TRDMT1: variants seen among roughly 807,000 people sequenced by gnomAD.
The protein encoded by TRDMT1 is tRNA aspartic acid methyltransferase 1, also known as tRNA (cytosine(38)-C(5))-methyltransferase.
In TRDMT1, 49 loss-of-function variants were observed where a neutral mutation model predicts 51.2. That is an observed-to-expected ratio of 0.96 (90% CI 0.76 to 1.21). The LOEUF is 1.21. TRDMT1 is among the 50% of genes most tolerant of loss of function. The probability of loss-of-function intolerance (pLI) is 0.00; values close to 1 mark genes in which losing one functional copy is unlikely to be tolerated. For missense variants in TRDMT1, 534 were observed against 462.3 expected (o/e 1.16, Z -1.42); for synonymous variants, 187 against 164.6 (o/e 1.14, Z -1.04).
At position 17,143,980 on chromosome 10, in the gene TRDMT1, A is replaced by G; in HGVS notation, c.*5060T>C. 4.1e-6 allele frequency: 4 copies of G among 985,456 alleles called. No homozygotes were observed. Among genetic ancestry groups the G allele is most frequent in the Non-Finnish European group, 4.8e-6 (4 of 829,936 alleles). 61.0% of individuals were successfully genotyped at this position (985,456 alleles called of 1,614,324 possible). On this transcript the variant is annotated 3_prime_UTR_variant, in exon 11 of 11. Transcript: ENST00000377799. ...AAGTTAAAAATGTCCCAGCATGAAGATTCTAGAATAGGACTTAGGAAAACA... is the reference window on the plus strand; with the variant it reads ...AAGTTAAAAATGTCCCAGCATGAAGGTTCTAGAATAGGACTTAGGAAAACA...
intron 1 of TRDMT1, among the ~76,000 whole-genome samples, chr10:17,187,474 A>G (rs1463105274): frequency 6.6e-6 from 1 of 152,184 alleles, no homozygotes; most frequent in African/African-American, 2.4e-5. Flanking sequence ...CATGTACTAT[A>G]GCTTATTCAT....
At chr10:17,191,598 C>T (rs1253459265) in intron 1 of TRDMT1, among the ~76,000 whole-genome samples, 1 of 152,144 alleles carries the variant, frequency 6.6e-6, no homozygotes. Flanking sequence ...GATGGGATGA[C>T]CACACCTCAG....
intron 1 of TRDMT1, among the ~76,000 whole-genome samples, chr10:17,183,062 T>C (rs1436851920): frequency 1.3e-5 from 2 of 152,208 alleles, no homozygotes; most frequent in Non-Finnish European, 2.9e-5. Context: ...CTAGTTATAC[T>C]ACATCTGGAA....
chr10:17,201,661 G>C lies in TRDMT1; in HGVS notation c.-27C>G, dbSNP rs770273932. The stretch of plus-strand genomic sequence containing the variant: ...CCCGCGCCTCAGCCGCCGCAGCCCC[G>C]GAGCTAGGCCTGCCGGTCCGTCGCT... On this transcript the variant is annotated 5_prime_UTR_variant, in exon 1 of 11. Coordinates refer to ENST00000377799, the MANE Select transcript of TRDMT1 (RefSeq NM_004412.7). The C allele has an allele frequency of 6.5e-7, 1 of 1,536,066 alleles. No homozygotes were observed. The highest frequency in any genetic ancestry group is 8.8e-7 in the Non-Finnish European group (1 of 1,141,930).
rs35474710 is a variant in TRDMT1 at position 17,141,514 on chromosome 10, AT to A, written c.*7525del. The stretch of plus-strand genomic sequence containing the variant: ...TGGGATGTTTCCAGCCATTATTTAA[AT>A]GCTCTTTCAGCTCCATTTTTTTCCC... On this transcript the variant is annotated 3_prime_UTR_variant, in exon 11 of 11. Transcript: ENST00000377799. Among the ~76,000 whole-genome samples, 63,345 of 147,994 alleles carry A rather than the reference AT, an allele frequency of 0.43. 15,210 individuals are homozygous for A. The highest frequency in any genetic ancestry group is 0.59 in the South Asian group (2,737 of 4,676).
intron 5 of TRDMT1, among the ~76,000 whole-genome samples, chr10:17,160,885 T>C (rs561675435): frequency 4.5e-4 from 69 of 152,332 alleles, no homozygotes; most frequent in Middle Eastern, 3.4e-3. Flanking sequence ...AAGATATACA[T>C]AATTCATTAC....
Position 17,143,225 on chromosome 10 carries a change from A to G in TRDMT1, c.*5815T>C. 1.0e-6 allele frequency: 1 copy of G among 985,470 alleles called. No individual in the cohort carries two copies. Among genetic ancestry groups the G allele is most frequent in the South Asian group, 4.7e-5 (1 of 21,288 alleles). 61.0% of individuals were successfully genotyped at this position (985,470 alleles called of 1,614,324 possible). On this transcript the variant is annotated 3_prime_UTR_variant, in exon 11 of 11. Coordinates refer to ENST00000377799, the MANE Select transcript of TRDMT1 (RefSeq NM_004412.7). Reference sequence around the variant, plus strand: ...ATATTGATTCCAGTATGGTTCCTACATTCACTCATTCAACAACTATTTATT... The same window carrying G: ...ATATTGATTCCAGTATGGTTCCTACGTTCACTCATTCAACAACTATTTATT...
chr10:17,162,272 A>G (rs762274050), intron 3 of TRDMT1, 35 bp from the exon 4 acceptor site: 2 of 1,522,992 alleles, frequency 1.3e-6, no homozygotes, highest in Non-Finnish European at 1.8e-6. Context: ...ACAAAAAAAA[A>G]CACAGAAAGT....
In TRDMT1 at chr10:17,138,505, A is replaced by G. The variant is rs1471952620; in HGVS notation, c.*10535T>C. ...CTTTTGCTCATTTCATGGGAAGTGC[A>G]TTACCATGTAGGAAATTACCAAGTC... is the stretch of plus-strand genomic sequence containing the variant. On this transcript the variant is annotated 3_prime_UTR_variant, in exon 11 of 11. Transcript: ENST00000377799. Among the ~76,000 whole-genome samples the G allele has an allele frequency of 6.6e-6, 1 of 152,228 alleles. No homozygotes were observed. Among genetic ancestry groups the G allele is most frequent in the African/African-American group, 2.4e-5 (1 of 41,462 alleles).
chr10:17,183,429 C>G (rs75708888), intron 1 of TRDMT1, among the ~76,000 whole-genome samples: 1 of 151,868 alleles, frequency 6.6e-6, no homozygotes, highest in African/African-American at 2.4e-5. Context: ...TCTTTAGTTA[C>G]TTTTTTGAGA....
intron 1 of TRDMT1, among the ~76,000 whole-genome samples, chr10:17,186,936 G>C (rs530411464): frequency 6.6e-6 from 1 of 152,140 alleles, no homozygotes; most frequent in African/African-American, 2.4e-5. Context: ...TTATTTTAAT[G>C]TTCATGGTCA....
rs1051774045 is a variant in TRDMT1, at chr10:17,137,748, C to T, written c.*11292G>A. ...GGAGGCGAGGCTGAGGCAGGAGAAT[C>T]GCTTGAACCCAGGAGGTGGAGGTTG... On this transcript the variant is annotated 3_prime_UTR_variant, in exon 11 of 11. Coordinates refer to ENST00000377799, the MANE Select transcript of TRDMT1 (RefSeq NM_004412.7). Among the ~76,000 whole-genome samples the T allele has an allele frequency of 2.6e-5, 4 of 151,560 alleles. No homozygotes were observed. Among genetic ancestry groups the T allele is most frequent in the Non-Finnish European group, 5.9e-5 (4 of 67,926 alleles).
Position 17,148,311 on chromosome 10 carries a change from C to A in TRDMT1, c.*729G>T. The A allele has an allele frequency of 1.0e-6, 1 of 985,360 alleles. No individual in the cohort carries two copies. Among genetic ancestry groups the A allele is most frequent in the Non-Finnish European group, 1.2e-6 (1 of 829,928 alleles). 61.0% of individuals were successfully genotyped at this position (985,360 alleles called of 1,614,324 possible). A position where few individuals can be genotyped will look rare whatever the true frequency, so the allele number is the denominator to read the frequency against. ...CCTCAGCGTGCAAAGGCAAATTCAA[C>A]TCAGAAGCTGAGAAGACAAAAACAA... On this transcript the variant is annotated 3_prime_UTR_variant, in exon 11 of 11. Transcript: ENST00000377799.
intron 1 of TRDMT1, among the ~76,000 whole-genome samples, chr10:17,194,376 C>G (rs1244852922): frequency 6.6e-6 from 1 of 152,140 alleles, no homozygotes; most frequent in Non-Finnish European, 1.5e-5. Context: ...AGACAACTCA[C>G]AGAATGGGAG....
rs1169137802 is a variant in TRDMT1 at position 17,146,738 on chromosome 10, A to T, written c.*2302T>A. The T allele has an allele frequency of 1.0e-6, 1 of 985,348 alleles. No homozygotes were observed. Among genetic ancestry groups the T allele is most frequent in the Admixed American group, 6.1e-5 (1 of 16,268 alleles). The allele number at this position is 985,348 out of a possible 1,614,324, so 61.0% of individuals were successfully genotyped here. A position where few individuals can be genotyped will look rare whatever the true frequency, so the allele number is the denominator to read the frequency against. On this transcript the variant is annotated 3_prime_UTR_variant, in exon 11 of 11. Coordinates refer to ENST00000377799, the MANE Select transcript of TRDMT1 (RefSeq NM_004412.7). ...TCTGAATAAATGTACAAGTCCAAAT[A>T]TCAGGAAACAGAATTTCCAGTGCAA...
chr10:17,173,510 A>G (rs1479766929), intron 2 of TRDMT1, among the ~76,000 whole-genome samples: 1 of 152,160 alleles, frequency 6.6e-6, no homozygotes, highest in South Asian at 2.1e-4. Flanking sequence ...TAATGAAAAG[A>G]AAGCAGATCC....
intron 3 of TRDMT1, among the ~76,000 whole-genome samples, chr10:17,165,640 C>T (rs1841091047): frequency 6.6e-6 from 1 of 151,950 alleles, no homozygotes; most frequent in East Asian, 1.9e-4. Context: ...GGCTAATATC[C>T]AGAATCTACA....
chr10:17,196,218 T>G (rs1273338245), intron 1 of TRDMT1, among the ~76,000 whole-genome samples: 1 of 152,244 alleles, frequency 6.6e-6, no homozygotes, highest in Non-Finnish European at 1.5e-5. Context: ...TGAGTAATTC[T>G]TACTAAACAC....
intron 1 of TRDMT1, among the ~76,000 whole-genome samples, chr10:17,197,198 A>C (rs1845570401): frequency 6.6e-6 from 1 of 152,190 alleles, no homozygotes; most frequent in Non-Finnish European, 1.5e-5. Flanking sequence ...ACAAAAAAAG[A>C]ATCTGGGCTA....
Sources: gnomAD v4.1 joint callset for allele counts (sites outside exome capture counted in the v4.1 genomes callset) on GRCh38, gnomAD v4.1.1 for gene constraint, MANE v1.5 for transcripts, NCBI Gene and HGNC (gene_info 2026-07-23, HGNC 2026-07-21) for gene names.